FIP1L1: variants seen among roughly 807,000 people sequenced by gnomAD.
The protein encoded by FIP1L1 is factor interacting with PAPOLA and CPSF1.
FIP1L1 carries 21 observed loss-of-function variants against 84.6 expected under a neutral mutation model. The ratio of observed to expected loss-of-function variants is 0.25; its 90% confidence interval spans 0.18 to 0.36. The LOEUF is 0.36. Among genes scored for constraint, FIP1L1 ranks in the 10% least tolerant of loss-of-function variants. FIP1L1 has a pLI of 1.00. For missense variants in FIP1L1, 526 were observed against 751.1 expected (o/e 0.70, Z 3.50); for synonymous variants, 263 against 242.3 (o/e 1.09, Z -0.80).
intron 10 of FIP1L1, among the ~76,000 whole-genome samples, chr4:53,408,154 A>G (rs952957967): frequency 6.6e-6 from 1 of 152,134 alleles, no homozygotes; most frequent in Admixed American, 6.5e-5. Flanking sequence ...TTCCAAGTTT[A>G]GTGCTTCCTT....
Position 53,377,684 on chromosome 4 carries a change from G to C in FIP1L1, c.-155G>C, listed in dbSNP as rs1735282256. The C allele has an allele frequency of 1.5e-6, 1 of 648,334 alleles. No homozygotes were observed. The allele number at this position is 648,334 out of a possible 1,614,324, so 40.2% of individuals were successfully genotyped here. ...CTGCGCTGGAGGCTTCATCTTTGCC[G>C]CCGCTGCCGTCGCCTTCCTGGGATT... On this transcript the variant is annotated 5_prime_UTR_variant, in exon 1 of 18. Transcript: ENST00000337488.
chr4:53,436,169 G>A (rs989936514), intron 13 of FIP1L1, among the ~76,000 whole-genome samples: 9 of 152,248 alleles, frequency 5.9e-5, no homozygotes, highest in Middle Eastern at 6.8e-3. Flanking sequence ...TTCTACTGCC[G>A]TATAACAAGT....
chr4:53,381,587 C>T (rs1560481014), intron 3 of FIP1L1, among the ~76,000 whole-genome samples: 1 of 151,850 alleles, frequency 6.6e-6, no homozygotes. Context: ...TTTCATTTTG[C>T]TTTATTTGGT....
At chr4:53,434,389 T>C (rs1346381410) in intron 13 of FIP1L1, among the ~76,000 whole-genome samples, 1 of 152,172 alleles carries the variant, frequency 6.6e-6, no homozygotes. Context: ...ATTAAATCTA[T>C]TGTGATATCA....
At chr4:53,382,749 A>G (rs1218548411) in intron 4 of FIP1L1, among the ~76,000 whole-genome samples, 1 of 152,258 alleles carries the variant, frequency 6.6e-6, no homozygotes, top group Admixed American at 6.5e-5. Flanking sequence ...AGGTGAACAT[A>G]TCATTGGTCC....
At chr4:53,446,212 T>C (rs1774138809) in intron 15 of FIP1L1, among the ~76,000 whole-genome samples, 1 of 151,722 alleles carries the variant, frequency 6.6e-6, no homozygotes. Flanking sequence ...TTTTTTTTGC[T>C]AGATATTTAA....
At chr4:53,445,845 G>T (rs1773959406) in intron 15 of FIP1L1, among the ~76,000 whole-genome samples, 1 of 152,152 alleles carries the variant, frequency 6.6e-6, no homozygotes, top group South Asian at 2.1e-4. Context: ...CATCTGTTCA[G>T]CTACCTTCAG....
intron 15 of FIP1L1, among the ~76,000 whole-genome samples, chr4:53,449,050 A>G (rs754973069): frequency 6.6e-6 from 1 of 152,050 alleles, no homozygotes; most frequent in African/African-American, 2.4e-5. Flanking sequence ...ACTCTTGCAG[A>G]TAATGACAGT....
At chr4:53,428,610 C>T (rs1765275552) in intron 13 of FIP1L1, among the ~76,000 whole-genome samples, 1 of 152,088 alleles carries the variant, frequency 6.6e-6, no homozygotes, top group African/African-American at 2.4e-5. Flanking sequence ...CTTCTGTATA[C>T]CGGTTTCCTT....
chr4:53,399,781 A>G lies in FIP1L1; in HGVS notation c.757A>G (p.Thr253Ala). ...AGAGAAAGAAACTGCCCTTCCATCT[A>G]CAAAAGCTGAGTTTACTTCTCCTCC... is the stretch of plus-strand genomic sequence containing the variant. Reference protein sequence around the residue: ...NSEKETALPSTKAEFTSPPSL... With the variant: ...NSEKETALPSAKAEFTSPPSL... The change falls in exon 10 of 18, where the codon ACA becomes GCA. Residue 253 changes from threonine to alanine, a missense_variant. By Grantham distance (58) the Thr-to-Ala change is moderately conservative. Around this residue, in one of 6 missense-constraint regions of FIP1L1, gnomAD observed 169 missense variants for 206.9 expected, o/e 0.82. Transcript: ENST00000337488. 6.2e-7 allele frequency: 1 copy of G among 1,613,846 alleles called. No homozygotes were observed. Among genetic ancestry groups the G allele is most frequent in the East Asian group, 2.2e-5 (1 of 44,820 alleles).
At position 53,379,207 on chromosome 4, in the gene FIP1L1, G is replaced by T. The variant is rs767269409; in HGVS notation, c.131-18G>T. The stretch of plus-strand genomic sequence containing the variant: ...ATTTTGTTTGCTTATTTATTTATTT[G>T]TTTATTTTACTTGGTAGATGAAAAT... On this transcript the variant is annotated intron_variant, in intron 2 of 17. Coordinates refer to ENST00000337488, the MANE Select transcript of FIP1L1 (RefSeq NM_030917.4). 7 of 1,605,206 alleles carry T rather than the reference G, an allele frequency of 4.4e-6. No individual in the cohort carries two copies. The East Asian group carries it at 1.6e-4, about 36-fold the overall frequency.
intron 10 of FIP1L1, among the ~76,000 whole-genome samples, chr4:53,404,581 C>T (rs930340916): frequency 1.3e-5 from 2 of 151,286 alleles, no homozygotes; most frequent in Admixed American, 6.6e-5. Flanking sequence ...CCTGAGGAAT[C>T]GCCACACTGA....
rs764820549 is a variant in FIP1L1 at position 53,414,741 on chromosome 4, A to G, written c.923+19A>G. On this transcript the variant is annotated intron_variant, in intron 11 of 17. Coordinates refer to ENST00000337488, the MANE Select transcript of FIP1L1 (RefSeq NM_030917.4). ...ATCTAAGGTAAGGCTATTTTTAAACATTGGATACTCCCTGATGTTTAGATC... is the reference window on the plus strand; with the variant it reads ...ATCTAAGGTAAGGCTATTTTTAAACGTTGGATACTCCCTGATGTTTAGATC... 4 of 1,466,676 alleles carry G rather than the reference A, an allele frequency of 2.7e-6. No individual in the cohort carries two copies. Among genetic ancestry groups the G allele is most frequent in the African/African-American group, 2.8e-5 (2 of 71,898 alleles). The allele number at this position is 1,466,676 out of a possible 1,614,324, so 90.9% of individuals were successfully genotyped here.
chr4:53,433,213 T>C (rs11133274), intron 13 of FIP1L1, among the ~76,000 whole-genome samples: 104,813 of 152,050 alleles, frequency 0.69, 37,804 homozygotes, highest in Non-Finnish European at 0.8. Flanking sequence ...CACAATGTTA[T>C]GTAACCATCA....
chr4:53,381,109 A>G (rs1268030851), intron 3 of FIP1L1, among the ~76,000 whole-genome samples: 2 of 152,086 alleles, frequency 1.3e-5, no homozygotes, highest in African/African-American at 4.8e-5. Context: ...TATGGGGGAA[A>G]AAACAATTTC....
At chr4:53,411,378 C>T (rs916216001) in intron 10 of FIP1L1, among the ~76,000 whole-genome samples, 5 of 152,130 alleles carry the variant, frequency 3.3e-5, no homozygotes, top group African/African-American at 4.8e-5. Flanking sequence ...CACTTTCGTA[C>T]GTAAAGGACA....
Position 53,459,795 on chromosome 4 carries a change from T to TCAAA in FIP1L1, c.*349_*352dup, listed in dbSNP as rs1165866513. The stretch of plus-strand genomic sequence containing the variant: ...ACTTGGGCCACAGTTTTTTTGTTAA[T>TCAAA]CAAACACCACTCTCTTAAGAGGCTG... On this transcript the variant is annotated 3_prime_UTR_variant, in exon 18 of 18. Transcript: ENST00000337488. The TCAAA allele has an allele frequency of 8.5e-5, 27 of 317,222 alleles. No homozygotes were observed. Among genetic ancestry groups the TCAAA allele is most frequent in the Middle Eastern group, 9.6e-4 (1 of 1,042 alleles). 19.7% of individuals were successfully genotyped at this position (317,222 alleles called of 1,614,324 possible). A position where few individuals can be genotyped will look rare whatever the true frequency, so the allele number is the denominator to read the frequency against.
intron 10 of FIP1L1, among the ~76,000 whole-genome samples, chr4:53,412,979 C>G (rs1216006234): frequency 6.6e-6 from 1 of 152,096 alleles, no homozygotes; most frequent in Non-Finnish European, 1.5e-5. Context: ...ATCACTTAGA[C>G]TCATAAATTC....
chr4:53,386,037 A>AC (rs1260771790), intron 5 of FIP1L1, among the ~76,000 whole-genome samples: 1 of 139,468 alleles, frequency 7.2e-6, no homozygotes, highest in African/African-American at 2.6e-5. Flanking sequence ...ACAAAATAGC[A>AC]TTTTTTTTTT....
Sources: gnomAD v4.1 joint callset for allele counts (sites outside exome capture counted in the v4.1 genomes callset) on GRCh38, gnomAD v4.1.1 for gene constraint, gnomAD v4.1.1 regional missense constraint, MANE v1.5 for transcripts, NCBI Gene and HGNC (gene_info 2026-07-23, HGNC 2026-07-21) for gene names.